MYO10: variants seen among roughly 807,000 people sequenced by gnomAD.
The protein encoded by MYO10 is myosin X, also known as unconventional myosin-X.
In MYO10, 133 loss-of-function variants were observed where a neutral mutation model predicts 257.3. The observed-to-expected ratio is 0.52, with a 90% confidence interval of 0.45 to 0.60. The LOEUF (loss-of-function observed/expected upper bound fraction) is 0.60, where lower values mean the gene tolerates loss of function less well. Ranked by LOEUF, MYO10 falls within the 20% of genes least tolerant of loss-of-function variation. MYO10 has a pLI of 0.00. For synonymous variants in MYO10, 1,104 were observed against 1,028.6 expected (o/e 1.07, Z -1.40); for missense variants, 2,399 against 2,635.7 (o/e 0.91, Z 1.97).
chr5:16,779,732 T>A (rs1741341963), intron 8 of MYO10, 84 bp from the exon 9 acceptor site: 2 of 760,930 alleles, frequency 2.6e-6, no homozygotes, highest in Admixed American at 5.5e-5. Flanking sequence ...TTAAAGTATA[T>A]ATATATAATT....
At chr5:16,713,495 C>T (rs1335685265) in intron 19 of MYO10, 1 of 985,710 alleles carries the variant, frequency 1.0e-6, no homozygotes, top group East Asian at 1.1e-4. Flanking sequence ...CCATGACAAC[C>T]CCTTCCATTC....
chr5:16,729,726 G>A (rs1199370835), intron 19 of MYO10, among the ~76,000 whole-genome samples: 2 of 152,148 alleles, frequency 1.3e-5, no homozygotes, highest in African/African-American at 4.8e-5. Flanking sequence ...TCACAGGCGT[G>A]AGCCACCGCA....
chr5:16,805,472 A>G (rs1313387307), intron 3 of MYO10, among the ~76,000 whole-genome samples: 1 of 150,998 alleles, frequency 6.6e-6, no homozygotes, highest in East Asian at 1.9e-4. Flanking sequence ...AAAAAAAAAA[A>G]AAAAAAAAGA....
At chr5:16,835,160 G>A (rs974339807) in intron 2 of MYO10, among the ~76,000 whole-genome samples, 3 of 152,148 alleles carry the variant, frequency 2.0e-5, no homozygotes, top group African/African-American at 7.2e-5. Flanking sequence ...ATGGGCGACA[G>A]AGTGAGACTG....
rs564327659 is a variant in MYO10 at position 16,911,146 on chromosome 5, AT to A, written c.21+24641del. On this transcript the variant is annotated intron_variant, in intron 1 of 40. Transcript: ENST00000513610. The stretch of plus-strand genomic sequence containing the variant: ...GGCAATACTCCATCTCTAAAACAAA[AT>A]TTAACTTAATTTAAAAAGACTAACA... Among the ~76,000 whole-genome samples, 43 of 152,180 alleles carry A rather than the reference AT, an allele frequency of 2.8e-4. 1 individual carries two copies. The East Asian group carries it at 6.8e-3, about 24-fold the overall frequency.
rs773538424 is a variant in MYO10 at position 16,670,361 on chromosome 5, TGAG to T, written c.5883+162_5883+164del. Among the ~76,000 whole-genome samples, 435 of 150,378 alleles carry T rather than the reference TGAG, an allele frequency of 2.9e-3. 6 individuals are homozygous for T. The Admixed American group carries it at 0.03, about 10-fold the overall frequency. On this transcript the variant is annotated intron_variant, in intron 39 of 40. Coordinates refer to ENST00000513610, the MANE Select transcript of MYO10 (RefSeq NM_012334.3). ...TTACTACACAGGAGAAGAGAAACTG[TGAG>T]GAGAAGGGAGGCGTTAATGGTACAA...
At position 16,819,654 on chromosome 5, in the gene MYO10, C is replaced by A. The variant is rs186532805; in HGVS notation, c.121-1487G>T. Among the ~76,000 whole-genome samples the A allele has an allele frequency of 1.7e-4, 26 of 152,246 alleles. No homozygotes were observed. In the South Asian group the frequency reaches 4.4e-3, roughly 26 times the overall value. ...TGTGTGCACACAAAACAATTTTCTG[C>A]AATCATATGTGTGGAATGTTTTTAT... On this transcript the variant is annotated intron_variant, in intron 2 of 40. Coordinates refer to ENST00000513610, the MANE Select transcript of MYO10 (RefSeq NM_012334.3).
At chr5:16,748,211 A>T (rs966089594) in intron 19 of MYO10, among the ~76,000 whole-genome samples, 4 of 151,990 alleles carry the variant, frequency 2.6e-5, no homozygotes, top group Admixed American at 2.0e-4. Flanking sequence ...CCGGGACTAC[A>T]GGTGTACACT....
In MYO10 at chr5:16,740,377, G is replaced by C. The variant is rs75100858; in HGVS notation, c.1929+14451C>G. Among the ~76,000 whole-genome samples, 830 of 152,212 alleles carry C rather than the reference G, an allele frequency of 5.5e-3. 4 individuals are homozygous for C. The highest frequency in any genetic ancestry group is 0.019 in the African/African-American group (800 of 41,524). ...GAAAAAAAAATATCTCAGTCTGCAT[G>C]AGCTAGACGGACAGGGGTGGGAGTT... On this transcript the variant is annotated intron_variant, in intron 19 of 40. Coordinates refer to ENST00000513610, the MANE Select transcript of MYO10 (RefSeq NM_012334.3).
At chr5:16,685,971 G>T in intron 28 of MYO10, 140 bp from the exon 29 acceptor site, 1 of 648,086 alleles carries the variant, frequency 1.5e-6, no homozygotes, top group Admixed American at 2.5e-5. Flanking sequence ...AGGGGTAAAT[G>T]TCAGTTTCAT....
intron 1 of MYO10, among the ~76,000 whole-genome samples, chr5:16,913,136 A>G (rs1745714092): frequency 6.6e-6 from 1 of 151,538 alleles, no homozygotes; most frequent in Non-Finnish European, 1.5e-5. Context: ...CAGTTATAAA[A>G]CAAACTCTTT....
At position 16,680,085 on chromosome 5, in the gene MYO10, C is replaced by T; in HGVS notation, c.4404G>A (p.Val1468=). Residue 1468 remains valine (V), a synonymous_variant, in exon 33 of 41, where the codon GTG becomes GTA. Coordinates refer to ENST00000513610, the MANE Select transcript of MYO10 (RefSeq NM_012334.3). ...GCCGGTAACAGTGCTTGCGCCCGTACACGGTGACGTTCCAGTAGCCTGCAA... is the reference window on the plus strand; with the variant it reads ...GCCGGTAACAGTGCTTGCGCCCGTATACGGTGACGTTCCAGTAGCCTGCAA... ...FKETGYWNVT[V]YGRKHCYRLY... 6.2e-7 allele frequency: 1 copy of T among 1,611,312 alleles called. No homozygotes were observed. The highest frequency in any genetic ancestry group is 8.5e-7 in the Non-Finnish European group (1 of 1,178,286).
chr5:16,814,935 T>TA (rs1217059128), intron 3 of MYO10: 1 of 152,124 alleles, frequency 6.6e-6, no homozygotes, highest in Admixed American at 6.6e-5. Context: ...GGAAAATAAA[T>TA]AAAAAACTTT....
At chr5:16,771,658 C>T (rs989567409) in intron 9 of MYO10, among the ~76,000 whole-genome samples, 1 of 150,994 alleles carries the variant, frequency 6.6e-6, no homozygotes, top group South Asian at 2.1e-4. Flanking sequence ...AGGCTCACTG[C>T]AGCCTCGACT....
intron 37 of MYO10, among the ~76,000 whole-genome samples, chr5:16,671,974 G>A (rs1343107039): frequency 3.3e-5 from 5 of 152,254 alleles, no homozygotes; most frequent in East Asian, 3.9e-4. Context: ...GCGCTACTTC[G>A]AGGATATGAA....
intron 15 of MYO10, 93 bp from the exon 16 acceptor site, chr5:16,762,206 A>G: frequency 2.9e-6 from 4 of 1,394,890 alleles, no homozygotes; most frequent in Non-Finnish European, 3.8e-6. Context: ...AATACAAAAG[A>G]CAGTGAAAAT....
At chr5:16,771,547 TTTATTATTATTATTA>T (rs201265648) in intron 9 of MYO10, among the ~76,000 whole-genome samples, 2,664 of 136,874 alleles carry the variant, frequency 0.019, 51 homozygotes, top group African/African-American at 0.053. Context: ...ACTATTATGA[TTTATTATTATTATTA>T]TTATTATTAT....
chr5:16,821,275 A>C (rs537826397), intron 2 of MYO10, among the ~76,000 whole-genome samples: 9 of 149,092 alleles, frequency 6.0e-5, no homozygotes, highest in Middle Eastern at 3.6e-3. Flanking sequence ...CTATGTGTAC[A>C]TCCTATGTAC....
chr5:16,912,452 A>T (rs1306347352), intron 1 of MYO10, among the ~76,000 whole-genome samples: 1 of 152,132 alleles, frequency 6.6e-6, no homozygotes, highest in Non-Finnish European at 1.5e-5. Flanking sequence ...CCATATTTGT[A>T]GCCTTTGTAC....
Sources: allele counts gnomAD v4.1 joint callset (sites outside exome capture counted in the v4.1 genomes callset), GRCh38; gene constraint gnomAD v4.1.1; transcripts MANE v1.5; gene names NCBI Gene and HGNC (gene_info 2026-07-23, HGNC 2026-07-21).